Variants in SP140L observed in about 807,000 individuals in gnomAD.
The protein encoded by SP140L is SP140 like nuclear body protein, also known as nuclear body protein SP140-like protein.
SP140L carries 64 observed loss-of-function variants against 84.3 expected under a neutral mutation model. The observed-to-expected ratio is 0.76, with a 90% CI of 0.62 to 0.94. The LOEUF (loss-of-function observed/expected upper bound fraction) is 0.94, where lower values mean the gene tolerates loss of function less well. Among genes scored for constraint, SP140L ranks in the 40% least tolerant of loss-of-function variants. SP140L has a pLI of 0.00. For missense variants in SP140L, 628 were observed against 692.5 expected, an observed-to-expected ratio of 0.91 and a Z score of 1.05; for synonymous variants, 242 against 236.9, an observed-to-expected ratio of 1.02 and a Z score of -0.20.
chr2:230,383,526 T>C lies in SP140L; in HGVS notation c.654T>C (p.His218=), dbSNP rs1158184131. ...GGTTTGAAGGAAAAAAGAAGGGGCA[T>C]GGCTGGAGCAGAATGGGAACGAGAA... is the stretch of plus-strand genomic sequence containing the variant. ...PKRKRRKKKG[H]GWSRMGTRTQ... is the part of the protein sequence containing the mutation. The change falls in exon 8 of 19, where the codon CAT becomes CAC. Residue 218 remains histidine, a synonymous_variant. Coordinates refer to ENST00000415673, the MANE Select transcript of SP140L (RefSeq NM_138402.6). 13 of 1,605,460 alleles carry C rather than the reference T, an allele frequency of 8.1e-6. No individual in the cohort carries two copies. The highest frequency in any genetic ancestry group is 1.1e-5 in the Non-Finnish European group (13 of 1,175,944).
chr2:230,398,136 A>G (rs775717050), intron 14 of SP140L, among the ~76,000 whole-genome samples: 1 of 152,186 alleles, frequency 6.6e-6, no homozygotes, highest in Non-Finnish European at 1.5e-5. Context: ...TAAATTAATC[A>G]ATCTGGACTA....
chr2:230,387,147 G>C (rs1220572437), intron 9 of SP140L, among the ~76,000 whole-genome samples: 1 of 152,190 alleles, frequency 6.6e-6, no homozygotes, highest in African/African-American at 2.4e-5. Flanking sequence ...CAGGCAGCAA[G>C]ATGGAGCAAA....
rs780465840 is a variant in SP140L at position 230,370,899 on chromosome 2, G to A, written c.524-9G>A. The A allele has an allele frequency of 3.7e-6, 6 of 1,613,062 alleles. No individual in the cohort carries two copies. In the South Asian group the frequency reaches 5.5e-5, roughly 15 times the overall value. ...AATGAGAAGTGTTCCTATGTCATGT[G>A]TTTCTCAGGAGAAGTGCCAGAAAGC... is the stretch of plus-strand genomic sequence containing the variant. On this transcript the variant is annotated splice_polypyrimidine_tract_variant and intron_variant, in intron 5 of 18. Transcript: ENST00000415673.
intron 1 of SP140L, 55 bp downstream of exon 1, chr2:230,327,356 C>A: frequency 1.3e-6 from 2 of 1,576,306 alleles, no homozygotes; most frequent in Non-Finnish European, 1.7e-6. Flanking sequence ...TTGGAGCTTT[C>A]ATGCCTGTAG....
chr2:230,356,827 T>A (rs1356729173), intron 2 of SP140L, among the ~76,000 whole-genome samples: 2 of 152,224 alleles, frequency 1.3e-5, no homozygotes, highest in Non-Finnish European at 2.9e-5. Context: ...TATGTGCTCA[T>A]TGTCCTCCAC....
chr2:230,329,120 A>T (rs1398230791), intron 2 of SP140L, among the ~76,000 whole-genome samples: 11 of 152,210 alleles, frequency 7.2e-5, no homozygotes, highest in Non-Finnish European at 7.3e-5. Flanking sequence ...TACGACATAG[A>T]TTTTATAAGA....
intron 7 of SP140L, among the ~76,000 whole-genome samples, chr2:230,378,036 CTCAA>C: frequency 6.6e-6 from 1 of 152,230 alleles, no homozygotes; most frequent in South Asian, 2.1e-4. Flanking sequence ...CATGTGGATA[CTCAA>C]TCATTCCATC....
At chr2:230,385,405 A>T in intron 9 of SP140L, 101 bp downstream of exon 9, 1 of 1,069,340 alleles carries the variant, frequency 9.4e-7, no homozygotes, top group Non-Finnish European at 1.4e-6. Flanking sequence ...AGTCAAACTT[A>T]GTCAATTTCA....
chr2:230,390,090 A>G, intron 11 of SP140L, 67 bp downstream of exon 11: 1 of 1,380,110 alleles, frequency 7.2e-7, no homozygotes, highest in East Asian at 2.3e-5. Flanking sequence ...TGGTGAAATT[A>G]TTTGTGTGAA....
intron 5 of SP140L, among the ~76,000 whole-genome samples, chr2:230,365,485 G>A (rs150865489): frequency 9.6e-4 from 145 of 151,696 alleles, no homozygotes; most frequent in Non-Finnish European, 1.5e-3. Context: ...GAGTTACAGC[G>A]TCTTCTCTTT....
At chr2:230,346,759 A>G (rs2060221205) in intron 2 of SP140L, among the ~76,000 whole-genome samples, 1 of 152,014 alleles carries the variant, frequency 6.6e-6, no homozygotes, top group African/African-American at 2.4e-5. Flanking sequence ...TTTTATTGGC[A>G]TTATATTTTG....
chr2:230,345,158 GC>G (rs938938254), intron 2 of SP140L, among the ~76,000 whole-genome samples: 5 of 152,112 alleles, frequency 3.3e-5, no homozygotes, highest in African/African-American at 1.2e-4. Flanking sequence ...GTTAGTATTT[GC>G]TTTAGCTATT....
chr2:230,369,412 G>A (rs928936151), intron 5 of SP140L, among the ~76,000 whole-genome samples: 2 of 152,244 alleles, frequency 1.3e-5, no homozygotes, highest in Non-Finnish European at 2.9e-5. Context: ...GCATCTGTAA[G>A]GGCTGGCCTG....
At chr2:230,338,987 G>C (rs1336023674) in intron 2 of SP140L, among the ~76,000 whole-genome samples, 3 of 138,192 alleles carry the variant, frequency 2.2e-5, no homozygotes, top group Non-Finnish European at 4.6e-5. Context: ...CCTGGCTTTG[G>C]TATCAGAATG....
At chr2:230,354,815 GAAAA>G (rs2060468034) in intron 2 of SP140L, among the ~76,000 whole-genome samples, 2 of 98,216 alleles carry the variant, frequency 2.0e-5, no homozygotes, top group South Asian at 3.0e-4. Flanking sequence ...GAGAGAGAAA[GAAAA>G]AGAAAGAAAG....
intron 5 of SP140L, among the ~76,000 whole-genome samples, chr2:230,369,796 C>G (rs1575492726): frequency 6.6e-6 from 1 of 152,158 alleles, no homozygotes; most frequent in South Asian, 2.1e-4. Context: ...GAGACTGAGT[C>G]TCTCTCTCTG....
At position 230,403,210 on chromosome 2, in the gene SP140L, GTT is replaced by G; in HGVS notation, c.*323_*324del. ...ATTACTCACAAGACCTTTTTCCTCC[GTT>G]TTTTTTTTGAGATGGAGTCTCACAC... On this transcript the variant is annotated 3_prime_UTR_variant, in exon 19 of 19. Coordinates refer to ENST00000415673, the MANE Select transcript of SP140L (RefSeq NM_138402.6). 4.9e-6 allele frequency: 1 copy of G among 206,020 alleles called. No individual in the cohort carries two copies. The allele number at this position is 206,020 out of a possible 1,614,324, so 12.8% of individuals were successfully genotyped here.
At chr2:230,352,812 GTATA>G (rs149575060) in intron 2 of SP140L, among the ~76,000 whole-genome samples, 1 of 148,268 alleles carries the variant, frequency 6.7e-6, no homozygotes, top group Non-Finnish European at 1.5e-5. Context: ...GTGTATGTGT[GTATA>G]TATATATATA....
At chr2:230,381,223 C>A (rs1264776600) in intron 7 of SP140L, among the ~76,000 whole-genome samples, 1 of 152,112 alleles carries the variant, frequency 6.6e-6, no homozygotes, top group Non-Finnish European at 1.5e-5. Context: ...AAGCAACTCA[C>A]CTCTGGGGAT....
Sources: gnomAD v4.1 joint callset for allele counts (sites outside exome capture counted in the v4.1 genomes callset) on GRCh38, gnomAD v4.1.1 for gene constraint, MANE v1.5 for transcripts, NCBI Gene and HGNC (gene_info 2026-07-23, HGNC 2026-07-21) for gene names.